Variants in VRK3 observed in about 807,000 individuals in gnomAD.
The protein encoded by VRK3 is VRK serine/threonine kinase 3, also known as serine/threonine-protein kinase VRK3.
Under a neutral mutation model 60.4 loss-of-function variants are expected in VRK3, and 50 were observed. The observed-to-expected ratio is 0.83, with a 90% CI of 0.66 to 1.05. The LOEUF (loss-of-function observed/expected upper bound fraction) is 1.05. VRK3 is among the 50% of genes least tolerant of loss of function. The pLI, the probability that VRK3 is intolerant of heterozygous loss-of-function variation, is 0.00. For missense variants in VRK3, 549 were observed against 585.3 expected (o/e 0.94, Z 0.64); for synonymous variants, 246 against 227.8 (o/e 1.08, Z -0.72).
chr19:49,996,577 C>T (rs932613489), intron 7 of VRK3, among the ~76,000 whole-genome samples: 1 of 152,092 alleles, frequency 6.6e-6, no homozygotes, highest in South Asian at 2.1e-4. Flanking sequence ...GGGTTCATTA[C>T]CTTTGTTTTG....
At chr19:50,022,653 G>C (rs886894922) in intron 1 of VRK3, among the ~76,000 whole-genome samples, 50 of 152,154 alleles carry the variant, frequency 3.3e-4, no homozygotes, top group African/African-American at 1.1e-3. Flanking sequence ...AATCAGCCGG[G>C]CGTGGTGGTG....
intron 12 of VRK3, chr19:49,986,171 T>C (rs535431172): frequency 7.2e-5 from 11 of 152,292 alleles, no homozygotes; most frequent in African/African-American, 2.6e-4. Flanking sequence ...AAGAACATCA[T>C]AGAGTTTTTA....
chr19:50,014,391 C>G (rs931481995), intron 3 of VRK3, among the ~76,000 whole-genome samples: 3 of 151,516 alleles, frequency 2.0e-5, no homozygotes. Context: ...AACCCTGTCT[C>G]TACTAAAAAT....
chr19:49,979,332 G>C, intron 13 of VRK3, 90 bp from the exon 14 acceptor site: 5 of 1,564,050 alleles, frequency 3.2e-6, no homozygotes, highest in Non-Finnish European at 4.4e-6. Context: ...ATGGAGGGGT[G>C]GGGGACTGAG....
chr19:49,978,838 T>C (rs2122982351), intron 14 of VRK3: 2 of 392,744 alleles, frequency 5.1e-6, no homozygotes, highest in Middle Eastern at 6.9e-4. Context: ...CCCTTGTAAT[T>C]TTCTAGCTAC....
intron 4 of VRK3, chr19:50,008,939 C>A: frequency 3.1e-6 from 1 of 322,850 alleles, no homozygotes. Flanking sequence ...AGGGCTAAAG[C>A]AGGAACCAGG....
chr19:50,006,252 A>T (rs1223231726), intron 5 of VRK3, among the ~76,000 whole-genome samples: 1 of 151,014 alleles, frequency 6.6e-6, no homozygotes, highest in African/African-American at 2.4e-5. Flanking sequence ...GGAGGTTGTT[A>T]AAAGCCGAGA....
At chr19:49,981,316 G>GT (rs1001885898) in intron 12 of VRK3, 79 of 346,140 alleles carry the variant, frequency 2.3e-4, no homozygotes, top group African/African-American at 1.5e-3. Context: ...GGAGGCCGAG[G>GT]GGGGTGGATC....
chr19:49,991,555 C>G (rs972716764), intron 10 of VRK3, among the ~76,000 whole-genome samples: 2 of 146,022 alleles, frequency 1.4e-5, no homozygotes, highest in African/African-American at 2.8e-5. Context: ...ACACACCCTG[C>G]CAGTTCTGTT....
chr19:49,998,908 A>G (rs1176127305), intron 6 of VRK3: 1 of 140,032 alleles, frequency 7.1e-6, no homozygotes, highest in Non-Finnish European at 1.5e-5. Flanking sequence ...CAGGAGTTCC[A>G]GACCAACCTG....
intron 14 of VRK3, among the ~76,000 whole-genome samples, chr19:49,978,006 CAAG>C (rs1316004722): frequency 2.6e-5 from 4 of 152,144 alleles, no homozygotes; most frequent in East Asian, 1.9e-4. Flanking sequence ...ATCCAAGCGC[CAAG>C]AAGAACGTCG....
intron 10 of VRK3, among the ~76,000 whole-genome samples, chr19:49,990,732 C>A (rs1401492827): frequency 6.6e-6 from 1 of 152,066 alleles, no homozygotes; most frequent in African/African-American, 2.4e-5. Context: ...TATACACTTC[C>A]CCGGCTCCCT....
intron 12 of VRK3, chr19:49,986,992 A>G (rs2076527322): frequency 1.3e-5 from 2 of 152,136 alleles, no homozygotes; most frequent in South Asian, 2.1e-4. Context: ...GGTTCAAGCA[A>G]TTTTCCTGCC....
At chr19:50,023,288 T>C (rs2122723620) in intron 1 of VRK3, among the ~76,000 whole-genome samples, 1 of 152,308 alleles carries the variant, frequency 6.6e-6, no homozygotes, top group Non-Finnish European at 1.5e-5. Flanking sequence ...CGAGTTCAAG[T>C]GATTCTCCTG....
intron 12 of VRK3, 173 bp downstream of exon 12, chr19:49,988,198 CT>C: frequency 1.0e-6 from 1 of 989,482 alleles, no homozygotes; most frequent in Non-Finnish European, 1.4e-6. Flanking sequence ...TCCGGAACAC[CT>C]GCCTCGCCTG....
chr19:49,977,712 G>A (rs1284921186), intron 14 of VRK3, among the ~76,000 whole-genome samples: 1 of 152,108 alleles, frequency 6.6e-6, no homozygotes, highest in African/African-American at 2.4e-5. Context: ...TGTTGGGGAG[G>A]ACCCCGAGCT....
chr19:49,992,529 C>T (rs1046136639), intron 10 of VRK3, among the ~76,000 whole-genome samples: 6 of 152,232 alleles, frequency 3.9e-5, no homozygotes, highest in African/African-American at 1.2e-4. Context: ...ATATCCTTAT[C>T]AGCAATGAAT....
At chr19:50,007,848 A>C (rs1486796115) in intron 4 of VRK3, 22 bp from the exon 5 acceptor site, 3 of 1,613,670 alleles carry the variant, frequency 1.9e-6, no homozygotes, top group East Asian at 2.2e-5. Context: ...TGTAAGAATA[A>C]AGTAAAAGCA....
In VRK3 at chr19:50,016,012, T is replaced by C. The variant is rs1490730383; in HGVS notation, c.139+12A>G. ...CCCACCGCAGAAACAGGCTCAATGC[T>C]CTGGTTCTTACCTTGGAAGGATGAC... On this transcript the variant is annotated intron_variant, in intron 3 of 14. Coordinates refer to ENST00000316763, the MANE Select transcript of VRK3 (RefSeq NM_016440.4). The C allele has an allele frequency of 6.2e-7, 1 of 1,614,070 alleles. No homozygotes were observed. Among genetic ancestry groups the C allele is most frequent in the Admixed American group, 1.7e-5 (1 of 60,008 alleles).
Sources: gnomAD v4.1 joint callset for allele counts (sites outside exome capture counted in the v4.1 genomes callset) on GRCh38, gnomAD v4.1.1 for gene constraint, MANE v1.5 for transcripts, NCBI Gene and HGNC (gene_info 2026-07-23, HGNC 2026-07-21) for gene names.